The following PCDH15 variants were observed in gnomAD, a reference collection of about 807,000 sequenced individuals.
PCDH15 encodes protocadherin-15.
In PCDH15, 129 loss-of-function variants were observed where a neutral mutation model predicts 178.5. The observed-to-expected ratio is 0.72, with a 90% CI of 0.63 to 0.84. The LOEUF is 0.84. PCDH15 is among the 40% of genes least tolerant of loss of function. PCDH15 has a pLI of 0.00. For synonymous variants in PCDH15, 800 were observed against 732.0 expected (o/e 1.09, Z -1.50); for missense variants, 2,230 against 2,099.9 (o/e 1.06, Z -1.21).
intron 21 of PCDH15, among the ~76,000 whole-genome samples, chr10:53,971,823 T>C (rs2089718443): frequency 1.3e-5 from 2 of 152,156 alleles, no homozygotes; most frequent in South Asian, 2.1e-4. Context: ...TCCATGCTCA[T>C]GGATACGAAG....
intron 23 of PCDH15, among the ~76,000 whole-genome samples, chr10:53,943,485 AAAACAAAC>A (rs200005993): frequency 6.7e-6 from 1 of 149,754 alleles, no homozygotes; most frequent in Admixed American, 6.7e-5. Flanking sequence ...CAAAAAAACA[AAAACAAAC>A]AAACAAACAA....
intron 2 of PCDH15, among the ~76,000 whole-genome samples, chr10:55,328,785 A>T (rs1844104485): frequency 6.6e-6 from 1 of 150,876 alleles, no homozygotes; most frequent in South Asian, 2.1e-4. Flanking sequence ...AGATTATTTA[A>T]AGCATATAGG....
intron 8 of PCDH15, among the ~76,000 whole-genome samples, chr10:54,286,885 G>C (rs12764077): frequency 0.25 from 38,555 of 152,102 alleles, 6,132 homozygotes; most frequent in Middle Eastern, 0.37. Flanking sequence ...ACCTCCCAAA[G>C]TGCTGGGATT....
At chr10:54,783,713 A>T (rs946186579) in intron 1 of PCDH15, among the ~76,000 whole-genome samples, 1 of 152,162 alleles carries the variant, frequency 6.6e-6, no homozygotes, top group Non-Finnish European at 1.5e-5. Flanking sequence ...AAAGTAAAAG[A>T]CAAAGAGAAT....
chr10:54,165,845 C>T (rs1403029020), intron 13 of PCDH15, among the ~76,000 whole-genome samples: 4 of 151,920 alleles, frequency 2.6e-5, no homozygotes, highest in Non-Finnish European at 4.4e-5. Flanking sequence ...TGTCTGACTC[C>T]GAAAAATGAA....
intron 2 of PCDH15, among the ~76,000 whole-genome samples, chr10:55,579,966 C>G (rs1842575419): frequency 6.6e-6 from 1 of 152,086 alleles, no homozygotes; most frequent in Non-Finnish European, 1.5e-5. Context: ...AAGCAATTCT[C>G]ATGCCTAAAC....
At chr10:54,061,664 G>A (rs1289546727) in intron 18 of PCDH15, among the ~76,000 whole-genome samples, 1 of 151,744 alleles carries the variant, frequency 6.6e-6, no homozygotes, top group Non-Finnish European at 1.5e-5. Flanking sequence ...AGAATTTATA[G>A]CACCCATTTG....
At chr10:54,878,714 G>A (rs1347994480) in intron 3 of PCDH15, among the ~76,000 whole-genome samples, 6 of 151,914 alleles carry the variant, frequency 3.9e-5, no homozygotes, top group African/African-American at 1.4e-4. Context: ...GGATGTGCAG[G>A]TTTGTTACAT....
chr10:55,502,003 C>A (rs561234657), intron 2 of PCDH15, among the ~76,000 whole-genome samples: 3 of 151,568 alleles, frequency 2.0e-5, no homozygotes, highest in African/African-American at 7.2e-5. Flanking sequence ...TACATCCTTC[C>A]CACTTGCAGG....
intron 2 of PCDH15, among the ~76,000 whole-genome samples, chr10:55,332,877 T>G (rs368157506): frequency 7.2e-5 from 11 of 152,302 alleles, no homozygotes; most frequent in African/African-American, 2.6e-4. Flanking sequence ...AAACCTTTTC[T>G]TCTTTATAAA....
chr10:54,062,675 T>C (rs7079133), intron 18 of PCDH15, among the ~76,000 whole-genome samples: 60,133 of 151,364 alleles, frequency 0.4, 12,408 homozygotes, highest in Middle Eastern at 0.54. Flanking sequence ...AAAACTGAAA[T>C]AAATTATAGA....
intron 5 of PCDH15, among the ~76,000 whole-genome samples, chr10:54,347,942 G>A (rs544229438): frequency 2.1e-4 from 32 of 152,022 alleles, no homozygotes; most frequent in African/African-American, 7.0e-4. Context: ...TCTGCCTCCC[G>A]GGTTCACGCC....
Position 54,351,101 on chromosome 10 carries a change from T to A in PCDH15, c.475-4617A>T, listed in dbSNP as rs114002889. Among the ~76,000 whole-genome samples, 959 of 135,780 alleles carry A rather than the reference T, an allele frequency of 7.1e-3. 10 individuals carry two copies. Among genetic ancestry groups the A allele is most frequent in the African/African-American group, 0.023 (913 of 39,760 alleles). 89.1% of individuals were successfully genotyped at this position (135,780 alleles called of 152,430 possible). ...CCTGGGGCGAGAACAAGACTCTGTC[T>A]CAATTTAAAAAAAAAAAAAGATAGA... On this transcript the variant is annotated intron_variant, in intron 5 of 37. Transcript: ENST00000644397.
chr10:53,823,558 A>G (rs1176856383), intron 32 of PCDH15: 1 of 693,542 alleles, frequency 1.4e-6, no homozygotes, highest in Admixed American at 2.3e-5. Context: ...GAGTTGTGAG[A>G]AGAATGAGAA....
intron 2 of PCDH15, among the ~76,000 whole-genome samples, chr10:55,096,866 T>C (rs1213158805): frequency 6.6e-6 from 1 of 152,122 alleles, no homozygotes; most frequent in African/African-American, 2.4e-5. Flanking sequence ...ATATAGATTG[T>C]AGAACTAGCA....
chr10:54,112,036 G>A (rs535623314), intron 15 of PCDH15, among the ~76,000 whole-genome samples: 2 of 151,242 alleles, frequency 1.3e-5, no homozygotes, highest in Non-Finnish European at 2.9e-5. Context: ...CCAGCTACTC[G>A]GGAGGCTGAA....
intron 14 of PCDH15, among the ~76,000 whole-genome samples, chr10:54,146,978 GTATA>G (rs374529506): frequency 1.7e-5 from 2 of 119,754 alleles, no homozygotes; most frequent in Admixed American, 1.7e-4. Context: ...TATATATAGT[GTATA>G]TATATATAAT....
chr10:54,606,222 A>T (rs2092734305), intron 2 of PCDH15: 1 of 152,094 alleles, frequency 6.6e-6, no homozygotes, highest in Admixed American at 6.6e-5. Flanking sequence ...AGTGGAGGAG[A>T]TATGGGAAGA....
At chr10:55,191,957 T>C (rs1279558738) in intron 1 of PCDH15, among the ~76,000 whole-genome samples, 1 of 151,916 alleles carries the variant, frequency 6.6e-6, no homozygotes, top group Non-Finnish European at 1.5e-5. Flanking sequence ...TAAAAAAAAT[T>C]AGTTAAAAAA....
Sources: gnomAD v4.1 joint callset for allele counts (sites outside exome capture counted in the v4.1 genomes callset) on GRCh38, gnomAD v4.1.1 for gene constraint, MANE v1.5 for transcripts, NCBI Gene and HGNC (gene_info 2026-07-23, HGNC 2026-07-21) for gene names.